CHSY3: variants seen among roughly 807,000 people sequenced by gnomAD.
CHSY3 encodes the protein N-acetylgalactosaminyl-proteoglycan 3-beta-glucuronosyltransferase 3.
CHSY3 carries 35 observed loss-of-function variants against 67.2 expected under a neutral mutation model. The observed-to-expected ratio is 0.52, with a 90% confidence interval of 0.40 to 0.69. The LOEUF (loss-of-function observed/expected upper bound fraction) is 0.69, where lower values mean the gene tolerates loss of function less well. Ranked by LOEUF, CHSY3 falls within the 30% of genes least tolerant of loss-of-function variation. The pLI, the probability that CHSY3 is intolerant of heterozygous loss-of-function variation, is 0.00. For missense variants in CHSY3, 1,069 were observed against 1,138.5 expected, an observed-to-expected ratio of 0.94 and a Z score of 0.88; for synonymous variants, 474 against 434.7, an observed-to-expected ratio of 1.09 and a Z score of -1.12.
intron 2 of CHSY3, among the ~76,000 whole-genome samples, chr5:130,151,557 T>C (rs1769232295): frequency 6.6e-6 from 1 of 152,122 alleles, no homozygotes; most frequent in South Asian, 2.1e-4. Flanking sequence ...CCAGACTGAG[T>C]AATTTATAAA....
chr5:130,035,888 T>TG (rs1240969833), intron 2 of CHSY3, among the ~76,000 whole-genome samples: 1 of 96,472 alleles, frequency 1.0e-5, no homozygotes, highest in Non-Finnish European at 2.2e-5. Context: ...ATTTGGTTGT[T>TG]TTTTTTTTTT....
chr5:129,918,670 GATA>G (rs1318500359), intron 2 of CHSY3, among the ~76,000 whole-genome samples: 1 of 152,132 alleles, frequency 6.6e-6, no homozygotes, highest in Non-Finnish European at 1.5e-5. Context: ...TAGTACACTG[GATA>G]ATGTGTTTGG....
At position 129,960,045 on chromosome 5, in the gene CHSY3, A is replaced by G. The variant is rs1762286394; in HGVS notation, c.1086+51685A>G. ...TTTTATGACAAGAGATGATGATTTA[A>G]TGAAGTTAGAAGGCTTTTCTGGGAC... On this transcript the variant is annotated intron_variant, in intron 2 of 2. Coordinates refer to ENST00000305031, the MANE Select transcript of CHSY3 (RefSeq NM_175856.5). Among the ~76,000 whole-genome samples, 3 of 152,082 alleles carry G rather than the reference A, an allele frequency of 2.0e-5. No individual in the cohort carries two copies. The South Asian group carries it at 6.2e-4, about 31-fold the overall frequency.
intron 2 of CHSY3, among the ~76,000 whole-genome samples, chr5:130,165,642 G>A (rs763580235): frequency 2.0e-5 from 3 of 151,676 alleles, no homozygotes; most frequent in African/African-American, 4.8e-5. Context: ...GAGAGGGTCC[G>A]AGTAGGATTT....
intron 2 of CHSY3, among the ~76,000 whole-genome samples, chr5:130,143,976 A>T (rs1768996266): frequency 6.6e-6 from 1 of 151,006 alleles, no homozygotes; most frequent in East Asian, 1.9e-4. Context: ...ATTAAACTTC[A>T]GAGTGGCAAA....
At chr5:130,166,015 G>A (rs1448042988) in intron 2 of CHSY3, among the ~76,000 whole-genome samples, 1 of 152,042 alleles carries the variant, frequency 6.6e-6, no homozygotes, top group African/African-American at 2.4e-5. Context: ...TTAGTATTAG[G>A]AGCAATAGTA....
intron 2 of CHSY3, among the ~76,000 whole-genome samples, chr5:130,049,631 A>G (rs921257970): frequency 2.0e-5 from 3 of 152,150 alleles, no homozygotes; most frequent in Non-Finnish European, 4.4e-5. Context: ...GTATGAAGAT[A>G]AAATTATCCT....
intron 2 of CHSY3, among the ~76,000 whole-genome samples, chr5:130,123,537 G>A (rs548068473): frequency 1.4e-4 from 21 of 152,274 alleles, no homozygotes; most frequent in Non-Finnish European, 2.6e-4. Flanking sequence ...CAGAGCTCAG[G>A]CTGTAATGCT....
At chr5:130,153,765 G>C (rs1769295565) in intron 2 of CHSY3, among the ~76,000 whole-genome samples, 1 of 151,996 alleles carries the variant, frequency 6.6e-6, no homozygotes, top group African/African-American at 2.4e-5. Flanking sequence ...TTGGTTCTTG[G>C]CAAGCTCTTA....
intron 2 of CHSY3, among the ~76,000 whole-genome samples, chr5:130,030,066 A>C (rs937207838): frequency 3.3e-5 from 5 of 151,926 alleles, no homozygotes; most frequent in Admixed American, 2.0e-4. Flanking sequence ...TTAATTTTTT[A>C]TTATTTTCTT....
At chr5:130,103,136 A>G (rs533999953) in intron 2 of CHSY3, among the ~76,000 whole-genome samples, 166 of 152,062 alleles carry the variant, frequency 1.1e-3, no homozygotes, top group Middle Eastern at 3.4e-3. Flanking sequence ...TAGTTACAAG[A>G]CTCCTACTGG....
At chr5:130,011,458 T>A (rs938442554) in intron 2 of CHSY3, among the ~76,000 whole-genome samples, 3 of 152,128 alleles carry the variant, frequency 2.0e-5, no homozygotes, top group African/African-American at 7.2e-5. Context: ...AAACTAGTCA[T>A]CAATGGTACA....
chr5:130,103,175 G>C (rs1767303000), intron 2 of CHSY3, among the ~76,000 whole-genome samples: 1 of 151,980 alleles, frequency 6.6e-6, no homozygotes, highest in Admixed American at 6.6e-5. Flanking sequence ...ACCATTTCTA[G>C]AATGTTGAAA....
chr5:130,145,338 G>C (rs1205319447), intron 2 of CHSY3, among the ~76,000 whole-genome samples: 1 of 152,226 alleles, frequency 6.6e-6, no homozygotes, highest in Admixed American at 6.5e-5. Context: ...CAAGAACACA[G>C]TTAGGGAAGA....
intron 2 of CHSY3, among the ~76,000 whole-genome samples, chr5:129,940,939 G>C (rs1211824132): frequency 6.6e-6 from 1 of 152,136 alleles, no homozygotes; most frequent in African/African-American, 2.4e-5. Context: ...ATGATGTTCA[G>C]TAGGCACGGT....
At chr5:130,131,715 T>G (rs1768488996) in intron 2 of CHSY3, among the ~76,000 whole-genome samples, 1 of 152,138 alleles carries the variant, frequency 6.6e-6, no homozygotes, top group Non-Finnish European at 1.5e-5. Context: ...AAAGGCCCTA[T>G]AGAGTTGGTC....
At chr5:129,992,084 T>C (rs563184523) in intron 2 of CHSY3, among the ~76,000 whole-genome samples, 1 of 152,312 alleles carries the variant, frequency 6.6e-6, no homozygotes, top group East Asian at 1.9e-4. Context: ...AGCTTGCCTT[T>C]GAAGTTTCTT....
At chr5:129,990,215 C>G (rs1461392666) in intron 2 of CHSY3, among the ~76,000 whole-genome samples, 4 of 151,884 alleles carry the variant, frequency 2.6e-5, no homozygotes, top group African/African-American at 9.7e-5. Flanking sequence ...CTAAAAACTT[C>G]TGGTAGCAAA....
Position 130,186,292 on chromosome 5 carries a change from A to C in CHSY3, c.*501A>C, listed in dbSNP as rs970491588. 1.3e-5 allele frequency: 2 copies of C among 152,616 alleles called. No individual in the cohort carries two copies. The highest frequency in any genetic ancestry group is 4.8e-5 in the African/African-American group (2 of 41,456). 9.5% of individuals were successfully genotyped at this position (152,616 alleles called of 1,614,324 possible). ...TATACAAGGACTTAAATATATAAAC[A>C]ATAATTTTCTTCATCTTTAGAATTT... On this transcript the variant is annotated 3_prime_UTR_variant, in exon 3 of 3. Transcript: ENST00000305031.
Sources: allele counts gnomAD v4.1 joint callset (sites outside exome capture counted in the v4.1 genomes callset), GRCh38; gene constraint gnomAD v4.1.1; transcripts MANE v1.5; gene names NCBI Gene and HGNC (gene_info 2026-07-23, HGNC 2026-07-21).